Variants in IL37 observed in about 807,000 individuals in gnomAD.
The protein encoded by IL37 is interleukin-37.
Under a neutral mutation model 15.4 loss-of-function variants are expected in IL37, and 15 were observed. The observed-to-expected ratio is 0.98, with a 90% CI of 0.65 to 1.50. IL37 has a LOEUF of 1.50. Among genes scored for constraint, IL37 ranks in the 40% most tolerant of loss-of-function variants. IL37 has a pLI of 0.00. For synonymous variants in IL37, 98 were observed against 97.4 expected (o/e 1.01, Z -0.03); for missense variants, 269 against 261.7 (o/e 1.03, Z -0.19).
intron 3 of IL37, among the ~76,000 whole-genome samples, chr2:112,914,515 A>G (rs1030978594): frequency 2.6e-5 from 4 of 152,240 alleles, no homozygotes; most frequent in African/African-American, 4.8e-5. Context: ...GTGCAGGTTC[A>G]TGTGGGAATA....
At chr2:112,917,364 G>A (rs556656825) in intron 4 of IL37, 116 bp downstream of exon 4, 28 of 1,209,462 alleles carry the variant, frequency 2.3e-5, no homozygotes, top group African/African-American at 2.0e-4. Flanking sequence ...TGGTGGAAGC[G>A]AGGAGGAGAG....
At chr2:112,912,516 G>A (rs186875233) in intron 1 of IL37, among the ~76,000 whole-genome samples, 1 of 152,232 alleles carries the variant, frequency 6.6e-6, no homozygotes, top group African/African-American at 2.4e-5. Context: ...GGCTTTGCTT[G>A]CCAGATGATC....
intron 1 of IL37, among the ~76,000 whole-genome samples, 196 bp downstream of exon 1, chr2:112,911,444 C>T (rs1173742364): frequency 6.6e-6 from 1 of 152,190 alleles, no homozygotes; most frequent in Non-Finnish European, 1.5e-5. Context: ...GGAGGGCTTC[C>T]ACTAACAAGT....
intron 3 of IL37, among the ~76,000 whole-genome samples, chr2:112,914,299 G>A: frequency 6.6e-6 from 1 of 152,184 alleles, no homozygotes; most frequent in Admixed American, 6.5e-5. Flanking sequence ...CACCCTAATA[G>A]GAAACTGTTA....
At chr2:112,913,343 T>A (rs1683219600) in intron 2 of IL37, among the ~76,000 whole-genome samples, 1 of 152,244 alleles carries the variant, frequency 6.6e-6, no homozygotes, top group African/African-American at 2.4e-5. Context: ...GGCTTTAGCA[T>A]CCTGTTTGCC....
intron 5 of IL37, 98 bp from the exon 6 acceptor site, chr2:112,918,460 TTCC>T: frequency 7.4e-7 from 1 of 1,348,674 alleles, no homozygotes; most frequent in Non-Finnish European, 1.0e-6. Context: ...CTTCTCTCTT[TTCC>T]TCCTCTCCTG....
At position 112,918,425 on chromosome 2, in the gene IL37, G is replaced by A. The variant is rs145006297; in HGVS notation, c.409-136G>A. The A allele has an allele frequency of 4.2e-4, 405 of 972,480 alleles. 1 individual carries two copies. In the African/African-American group the frequency reaches 6.0e-3, roughly 14 times the overall value. 60.2% of individuals were successfully genotyped at this position (972,480 alleles called of 1,614,324 possible). Reference sequence around the variant, plus strand: ...TAAATACCAGTACCAAGGCTGACACGTCATCTTTCCCAAGGACCATCTGCC... The same window carrying A: ...TAAATACCAGTACCAAGGCTGACACATCATCTTTCCCAAGGACCATCTGCC... On this transcript the variant is annotated intron_variant, in intron 5 of 5. Transcript: ENST00000263326.
chr2:112,915,455 G>C (rs987988138), intron 3 of IL37, among the ~76,000 whole-genome samples: 1 of 152,186 alleles, frequency 6.6e-6, no homozygotes. Flanking sequence ...CACTCAAAGG[G>C]TGTCTTCAGA....
chr2:112,914,813 C>T lies in IL37; in HGVS notation c.145+959C>T, dbSNP rs1269863893. On this transcript the variant is annotated intron_variant, in intron 3 of 5. Transcript: ENST00000263326. ...CGGAAGTGGTTCTCCAAGTCTGGTC[C>T]TCAAACGTCAGCAGCATCAGCGCCT... Among the ~76,000 whole-genome samples, 6 of 152,206 alleles carry T rather than the reference C, an allele frequency of 3.9e-5. No homozygotes were observed. In the East Asian group the frequency reaches 9.6e-4, roughly 24 times the overall value.
chr2:112,913,755 G>T (rs28947189), intron 2 of IL37, 37 bp from the exon 3 acceptor site: 3 of 1,583,354 alleles, frequency 1.9e-6, no homozygotes, highest in Non-Finnish European at 2.6e-6. Context: ...TGGAAAATCC[G>T]AATTGCATAT....
At position 112,917,662 on chromosome 2, in the gene IL37, T is replaced by C; in HGVS notation, c.293T>C (p.Leu98Ser). 1 of 1,602,418 alleles carries C rather than the reference T, an allele frequency of 6.2e-7. No homozygotes were observed. The highest frequency in any genetic ancestry group is 2.2e-5 in the East Asian group (1 of 44,774). Residue 98 changes from leucine (L) to serine (S), a missense_variant, in exon 5 of 6, where the codon TTG becomes TCG. Coordinates refer to ENST00000263326, the MANE Select transcript of IL37 (RefSeq NM_014439.4). Reference sequence around the variant, plus strand: ...ATCTTCTTTGCATTAGCCTCATCCTTGAGCTCAGCCTCTGCGGAGAAAGGA... The same window carrying C: ...ATCTTCTTTGCATTAGCCTCATCCTCGAGCTCAGCCTCTGCGGAGAAAGGA... ...PEIFFALASS[L>S]SSASAEKGSP...
Position 112,913,794 on chromosome 2 carries a change from C to A in IL37, c.85C>A (p.Pro29Thr). Residue 29 changes from proline (P) to threonine (T), a missense_variant and splice_region_variant, in exon 3 of 6, where the codon CCG becomes ACG. Transcript: ENST00000263326. Reference sequence around the variant, plus strand: ...AACCTCACTGCGTCTGACTGCAGACCCGGCTGGAAGCCCCCTGGAACCAGG... The same window carrying A: ...AACCTCACTGCGTCTGACTGCAGACACGGCTGGAAGCCCCCTGGAACCAGG... ...KDEPQCCLEDPAGSPLEPGPS... is the reference protein window; with the variant it reads ...KDEPQCCLEDTAGSPLEPGPS... 1 of 1,613,586 alleles carries A rather than the reference C, an allele frequency of 6.2e-7. No homozygotes were observed. The highest frequency in any genetic ancestry group is 8.5e-7 in the Non-Finnish European group (1 of 1,179,560).
In IL37 at chr2:112,917,587, C is replaced by A. The variant is rs1262348229; in HGVS notation, c.266-48C>A. 9.2e-6 allele frequency: 14 copies of A among 1,522,374 alleles called. No individual in the cohort carries two copies. The Admixed American group carries it at 2.6e-4, about 28-fold the overall frequency. 94.3% of individuals were successfully genotyped at this position (1,522,374 alleles called of 1,614,324 possible). ...TGAAACCCCAGCAGACAGGAGAGAC[C>A]TTTCCCTGCTCTCAGAACCCACACA... On this transcript the variant is annotated intron_variant, in intron 4 of 5. Transcript: ENST00000263326.
chr2:112,913,725 C>T (rs1301964727), intron 2 of IL37, 67 bp from the exon 3 acceptor site: 6 of 1,273,330 alleles, frequency 4.7e-6, no homozygotes, highest in Non-Finnish European at 6.9e-6. Flanking sequence ...ATTAAATGGT[C>T]TTTGATACCC....
chr2:112,915,065 C>T (rs1683270953), intron 3 of IL37: 2 of 714,542 alleles, frequency 2.8e-6, no homozygotes, highest in Admixed American at 2.9e-5. Context: ...TAGAAAACAA[C>T]TGCCAGCACC....
intron 3 of IL37, chr2:112,915,158 A>G (rs946598997): frequency 1.9e-6 from 3 of 1,591,422 alleles, no homozygotes; most frequent in Non-Finnish European, 2.6e-6. Flanking sequence ...TTAAGAGGAT[A>G]GTGAACTAGT....
chr2:112,915,470 C>T (rs1189148512), intron 3 of IL37, among the ~76,000 whole-genome samples: 1 of 152,204 alleles, frequency 6.6e-6, no homozygotes, highest in Non-Finnish European at 1.5e-5. Flanking sequence ...TTCAGACCAG[C>T]AGCACCCACA....
In IL37 at chr2:112,911,268, T is replaced by C. The variant is rs1683172260; in HGVS notation, c.-51+20T>C. Among the ~76,000 whole-genome samples, 1 of 152,204 alleles carries C rather than the reference T, an allele frequency of 6.6e-6. No homozygotes were observed. The highest frequency in any genetic ancestry group is 1.5e-5 in the Non-Finnish European group (1 of 68,028). ...GCCCAGGTAGGTGGTCCTCCTGCAC[T>C]GGCTTTCAAGGCCAACAGGATGGAT... On this transcript the variant is annotated intron_variant, in intron 1 of 5. Coordinates refer to ENST00000263326, the MANE Select transcript of IL37 (RefSeq NM_014439.4).
At position 112,917,742 on chromosome 2, in the gene IL37, G is replaced by A; in HGVS notation, c.373G>A (p.Asp125Asn). The A allele has an allele frequency of 1.9e-6, 3 of 1,614,170 alleles. No homozygotes were observed. The highest frequency in any genetic ancestry group is 8.5e-7 in the Non-Finnish European group (1 of 1,180,020). The change falls in exon 5 of 6, where the codon GAT (aspartate) becomes AAT (asparagine). Residue 125 changes from aspartate (D) to asparagine (N), a missense_variant. By Grantham distance (23) the Asp-to-Asn change is conservative (BLOSUM62 1). Coordinates refer to ENST00000263326, the MANE Select transcript of IL37 (RefSeq NM_014439.4). Reference protein sequence around the residue: ...KGEFCLYCDKDKGQSHPSLQL... With the variant: ...KGEFCLYCDKNKGQSHPSLQL... Reference sequence around the variant, plus strand: ...GGAGTTTTGTCTCTACTGTGACAAGGATAAAGGACAAAGTCATCCATCCCT... The same window carrying A: ...GGAGTTTTGTCTCTACTGTGACAAGAATAAAGGACAAAGTCATCCATCCCT...
Sources: allele counts gnomAD v4.1 joint callset (sites outside exome capture counted in the v4.1 genomes callset), GRCh38; gene constraint gnomAD v4.1.1; transcripts MANE v1.5; gene names NCBI Gene and HGNC (gene_info 2026-07-23, HGNC 2026-07-21).